The following CADM1 variants were observed in gnomAD, a reference collection of about 807,000 sequenced individuals.
The protein encoded by CADM1 is cell adhesion molecule 1.
CADM1 carries 15 observed loss-of-function variants against 53.1 expected under a neutral mutation model. The observed-to-expected ratio is 0.28, with a 90% CI of 0.19 to 0.44. The LOEUF is 0.44. Ranked by LOEUF, CADM1 falls within the 20% of genes least tolerant of loss-of-function variation. CADM1 has a pLI of 1.00. For synonymous variants in CADM1, 281 were observed against 243.0 expected (o/e 1.16, Z -1.45); for missense variants, 434 against 611.3 (o/e 0.71, Z 3.06).
intron 1 of CADM1, among the ~76,000 whole-genome samples, chr11:115,277,196 T>A (rs45523443): frequency 4.3e-4 from 65 of 152,210 alleles, no homozygotes; most frequent in Non-Finnish European, 8.8e-4. Context: ...TTGTTTTGCC[T>A]ATTAGTATTA....
chr11:115,296,236 C>T (rs575563910), intron 1 of CADM1, among the ~76,000 whole-genome samples: 11 of 152,286 alleles, frequency 7.2e-5, no homozygotes, highest in South Asian at 4.1e-4. Flanking sequence ...TAGGCATGAA[C>T]GACTGTGCCT....
At chr11:115,425,133 G>A (rs1947858664) in intron 1 of CADM1, among the ~76,000 whole-genome samples, 2 of 152,204 alleles carry the variant, frequency 1.3e-5, no homozygotes, top group Admixed American at 1.3e-4. Flanking sequence ...ACGATAAATG[G>A]CTCCCTGAAT....
chr11:115,281,864 TG>T (rs1943594421), intron 1 of CADM1, among the ~76,000 whole-genome samples: 1 of 151,312 alleles, frequency 6.6e-6, no homozygotes, highest in Non-Finnish European at 1.5e-5. Context: ...AATGGCTAAC[TG>T]AAAAAAAAAA....
At position 115,217,903 on chromosome 11, in the gene CADM1, G is replaced by C. The variant is rs770714520; in HGVS notation, c.810C>G (p.Ile270Met). The C allele has an allele frequency of 6.2e-7, 1 of 1,612,766 alleles. No homozygotes were observed. The highest frequency in any genetic ancestry group is 8.5e-7 in the Non-Finnish European group (1 of 1,178,988). ...GDALELTCEA[I>M]GKPQPVMVTW... ...CCTTCAGAACTTACTGGGGCTTCCC[G>C]ATGGCTTCACATGTTAACTCAAGCG... Residue 270 changes from isoleucine (I) to methionine (M), a missense_variant, in exon 6 of 12, where the codon ATC becomes ATG. Around this residue, in one of 4 missense-constraint regions of CADM1, gnomAD observed 311 missense variants for 435.1 expected, o/e 0.71. Coordinates refer to ENST00000331581, the MANE Select transcript of CADM1 (RefSeq NM_001301043.2).
At chr11:115,497,023 T>A (rs1319941512) in intron 1 of CADM1, among the ~76,000 whole-genome samples, 2 of 152,186 alleles carry the variant, frequency 1.3e-5, no homozygotes, top group African/African-American at 4.8e-5. Context: ...GGCAGATTCT[T>A]CCCACCTCCT....
At chr11:115,212,592 G>A (rs958028397) in intron 7 of CADM1, among the ~76,000 whole-genome samples, 2 of 152,136 alleles carry the variant, frequency 1.3e-5, no homozygotes, top group African/African-American at 4.8e-5. Context: ...AATGCACTCT[G>A]GCCCAGACAG....
intron 1 of CADM1, among the ~76,000 whole-genome samples, chr11:115,423,355 C>G (rs1032475127): frequency 6.6e-6 from 1 of 152,076 alleles, no homozygotes; most frequent in Non-Finnish European, 1.5e-5. Context: ...CTTGTACTTG[C>G]CCCAGGAGAA....
intron 1 of CADM1, among the ~76,000 whole-genome samples, chr11:115,393,246 T>C (rs966945976): frequency 6.6e-6 from 1 of 151,784 alleles, no homozygotes; most frequent in Non-Finnish European, 1.5e-5. Context: ...GAACTAGGCA[T>C]GGTAATATGC....
At position 115,209,591 on chromosome 11, in the gene CADM1, ATGGTGGTGGTGG is replaced by A. The variant is rs747352768; in HGVS notation, c.1049_1060del (p.Thr350_Thr353del). 97 of 924,880 alleles carry A rather than the reference ATGGTGGTGGTGG, an allele frequency of 1.0e-4. No individual in the cohort carries two copies. Among genetic ancestry groups the A allele is most frequent in the Middle Eastern group, 2.4e-4 (1 of 4,228 alleles). The allele number at this position is 924,880 out of a possible 1,614,324, so 57.3% of individuals were successfully genotyped here. A position where few individuals can be genotyped will look rare whatever the true frequency, so the allele number is the denominator to read the frequency against. ...TACCATACCTGTGATGATGGTAAGG[ATGGTGGTGGTGG>A]TGGTGGTGGTGGTGGTGGTGGTTGT... On this transcript the variant is annotated inframe_deletion, in exon 8 of 12. Coordinates refer to ENST00000331581, the MANE Select transcript of CADM1 (RefSeq NM_001301043.2).
chr11:115,258,810 A>G (rs1484066759), intron 1 of CADM1, among the ~76,000 whole-genome samples: 5 of 152,160 alleles, frequency 3.3e-5, no homozygotes, highest in African/African-American at 9.7e-5. Context: ...CTTTCCTCCA[A>G]CCATCTTTCA....
chr11:115,279,618 G>A (rs768796238), intron 1 of CADM1, among the ~76,000 whole-genome samples: 29 of 152,128 alleles, frequency 1.9e-4, no homozygotes, highest in Admixed American at 1.4e-3. Context: ...ACATTTAAGG[G>A]CTGGGGAAAC....
chr11:115,327,637 T>G (rs1944994578), intron 1 of CADM1, among the ~76,000 whole-genome samples: 1 of 152,098 alleles, frequency 6.6e-6, no homozygotes. Flanking sequence ...CCCAACTTCA[T>G]GACTAGAAGG....
intron 1 of CADM1, among the ~76,000 whole-genome samples, chr11:115,276,009 T>C (rs1591663021): frequency 6.6e-6 from 1 of 152,302 alleles, no homozygotes; most frequent in East Asian, 1.9e-4. Context: ...AATTTCAAGC[T>C]TGCCAACTCA....
intron 1 of CADM1, among the ~76,000 whole-genome samples, chr11:115,338,880 T>TA (rs1417637940): frequency 2.9e-5 from 4 of 136,590 alleles, no homozygotes; most frequent in African/African-American, 7.9e-5. Flanking sequence ...TTTTTTTATT[T>TA]TTTTTTTTTT....
At chr11:115,470,882 A>G (rs558906946) in intron 1 of CADM1, among the ~76,000 whole-genome samples, 8 of 152,316 alleles carry the variant, frequency 5.3e-5, no homozygotes, top group African/African-American at 1.9e-4. Flanking sequence ...AAGGTCAAAC[A>G]ATGGGAATCA....
At chr11:115,267,294 C>T (rs1021581289) in intron 1 of CADM1, among the ~76,000 whole-genome samples, 6 of 152,300 alleles carry the variant, frequency 3.9e-5, no homozygotes, top group Non-Finnish European at 7.4e-5. Context: ...GACAAACTTT[C>T]GATTTGTTTG....
intron 8 of CADM1, among the ~76,000 whole-genome samples, chr11:115,199,344 C>A (rs1324273272): frequency 6.6e-6 from 1 of 152,118 alleles, no homozygotes; most frequent in Non-Finnish European, 1.5e-5. Flanking sequence ...GGAGAGAGTG[C>A]AGTTTTTTGT....
intron 7 of CADM1, 167 bp downstream of exon 7, chr11:115,214,441 C>G (rs1941089195): frequency 1.5e-6 from 1 of 659,610 alleles, no homozygotes; most frequent in Non-Finnish European, 2.7e-6. Context: ...AAGTCACTAT[C>G]CCAGGTGGAG....
chr11:115,390,947 T>C (rs1236157573), intron 1 of CADM1, among the ~76,000 whole-genome samples: 1 of 152,236 alleles, frequency 6.6e-6, no homozygotes, highest in Non-Finnish European at 1.5e-5. Context: ...TTAAAACTTA[T>C]GTGAGGCACA....
Sources: allele counts gnomAD v4.1 joint callset (sites outside exome capture counted in the v4.1 genomes callset), GRCh38; gene constraint gnomAD v4.1.1; regional missense constraint gnomAD v4.1.1; transcripts MANE v1.5; gene names NCBI Gene and HGNC (gene_info 2026-07-23, HGNC 2026-07-21).